DYNC1I1: variants seen among roughly 807,000 people sequenced by gnomAD.
The protein encoded by DYNC1I1 is cytoplasmic dynein 1 intermediate chain 1.
In DYNC1I1, 43 loss-of-function variants were observed where a neutral mutation model predicts 86.6. The ratio of observed to expected loss-of-function variants is 0.50; its 90% confidence interval spans 0.39 to 0.64. The LOEUF is 0.64. DYNC1I1 is among the 30% of genes least tolerant of loss of function. The pLI, the probability that DYNC1I1 is intolerant of heterozygous loss-of-function variation, is 0.00. For missense variants in DYNC1I1, 604 were observed against 788.8 expected, an observed-to-expected ratio of 0.77 and a Z score of 2.81; for synonymous variants, 262 against 283.7, an observed-to-expected ratio of 0.92 and a Z score of 0.77.
chr7:96,034,671 G>C (rs780932948), intron 12 of DYNC1I1, among the ~76,000 whole-genome samples: 19 of 152,174 alleles, frequency 1.2e-4, no homozygotes, highest in Non-Finnish European at 2.2e-4. Flanking sequence ...CCCAGTTGCT[G>C]ATGTGCACCC....
rs910125506 is a variant in DYNC1I1 at position 95,772,626 on chromosome 7, G to A, written c.-157G>A. On this transcript the variant is annotated 5_prime_UTR_variant, in exon 1 of 17. Coordinates refer to ENST00000447467, the MANE Select transcript of DYNC1I1 (RefSeq NM_001135556.2). ...GAAGTGATCGCTCCCGGAGGAGCGC[G>A]AGCCGAGCGGCCGGCGCAGCGTGAG... is the stretch of plus-strand genomic sequence containing the variant. The A allele has an allele frequency of 1.3e-5, 2 of 152,158 alleles. No homozygotes were observed. Among genetic ancestry groups the A allele is most frequent in the African/African-American group, 2.4e-5 (1 of 41,428 alleles). The allele number at this position is 152,158 out of a possible 1,614,324, so 9.4% of individuals were successfully genotyped here.
intron 6 of DYNC1I1, among the ~76,000 whole-genome samples, chr7:95,922,274 TGGAAA>T (rs1303471259): frequency 6.6e-6 from 1 of 152,174 alleles, no homozygotes; most frequent in African/African-American, 2.4e-5. Flanking sequence ...GCGGTATATT[TGGAAA>T]CATATTTCAA....
chr7:96,031,830 G>A (rs1022070351), intron 11 of DYNC1I1, among the ~76,000 whole-genome samples: 1 of 152,132 alleles, frequency 6.6e-6, no homozygotes, highest in South Asian at 2.1e-4. Flanking sequence ...CCAAATTGCT[G>A]TAGGTTCTGC....
chr7:95,828,238 G>A (rs1303167225), intron 5 of DYNC1I1, 122 bp downstream of exon 5: 17 of 1,038,562 alleles, frequency 1.6e-5, no homozygotes, highest in Admixed American at 9.1e-5. Context: ...TGATAAGTTC[G>A]TTTCCTTCTG....
intron 16 of DYNC1I1, among the ~76,000 whole-genome samples, chr7:96,089,623 TG>T (rs1287550276): frequency 1.3e-5 from 2 of 152,142 alleles, no homozygotes; most frequent in African/African-American, 4.8e-5. Flanking sequence ...TGGCCACTAG[TG>T]TAATAAAAGC....
Position 96,008,083 on chromosome 7 carries a change from T to G in DYNC1I1, c.969+12010T>G, listed in dbSNP as rs531892339. Among the ~76,000 whole-genome samples, 6 of 152,298 alleles carry G rather than the reference T, an allele frequency of 3.9e-5. No homozygotes were observed. The South Asian group carries it at 1.2e-3, about 32-fold the overall frequency. Reference sequence around the variant, plus strand: ...CGAGGGTGGGATCACAGGCAGCAGGTATGCCATGAACAACAAACCCATATT... The same window carrying G: ...CGAGGGTGGGATCACAGGCAGCAGGGATGCCATGAACAACAAACCCATATT... On this transcript the variant is annotated intron_variant, in intron 10 of 16. Transcript: ENST00000447467.
chr7:95,782,101 C>T (rs999349881), intron 1 of DYNC1I1, among the ~76,000 whole-genome samples: 85 of 152,286 alleles, frequency 5.6e-4, no homozygotes, highest in African/African-American at 1.9e-3. Flanking sequence ...TTGATATATA[C>T]TTTTACAATC....
intron 14 of DYNC1I1, chr7:96,055,835 C>A (rs1284667083): frequency 6.6e-6 from 1 of 152,124 alleles, no homozygotes; most frequent in Non-Finnish European, 1.5e-5. Flanking sequence ...TGGAAATGCA[C>A]CAGCTTTGTG....
chr7:96,030,437 C>G (rs2115978194), intron 11 of DYNC1I1, among the ~76,000 whole-genome samples: 1 of 149,922 alleles, frequency 6.7e-6, no homozygotes, highest in Admixed American at 6.7e-5. Flanking sequence ...TTCTCTTAAA[C>G]TGAGTTTTAT....
chr7:95,834,937 A>G (rs1789033325), intron 5 of DYNC1I1, among the ~76,000 whole-genome samples: 3 of 150,918 alleles, frequency 2.0e-5, no homozygotes, highest in Admixed American at 6.6e-5. Context: ...TGGATTCATT[A>G]ATTTTTTGAA....
At chr7:96,039,469 G>A (rs373230456) in intron 14 of DYNC1I1, 48 bp downstream of exon 14, 1 of 1,610,626 alleles carries the variant, frequency 6.2e-7, no homozygotes. Context: ...AAGGGCAGAG[G>A]ATGGTTTTTC....
intron 6 of DYNC1I1, among the ~76,000 whole-genome samples, chr7:95,914,766 C>T (rs1562942250): frequency 1.3e-5 from 2 of 152,304 alleles, no homozygotes; most frequent in Admixed American, 1.3e-4. Flanking sequence ...AAATTCATTA[C>T]AGAGGTCTAG....
intron 6 of DYNC1I1, among the ~76,000 whole-genome samples, chr7:95,879,649 A>G (rs980746440): frequency 1.3e-5 from 2 of 152,206 alleles, no homozygotes; most frequent in African/African-American, 2.4e-5. Flanking sequence ...GCCTCCATAC[A>G]TTTTAGACAG....
intron 9 of DYNC1I1, among the ~76,000 whole-genome samples, chr7:95,989,916 T>G (rs1446672152): frequency 6.6e-6 from 1 of 152,174 alleles, no homozygotes; most frequent in Non-Finnish European, 1.5e-5. Flanking sequence ...AGAGACTTTT[T>G]GATGGATTTA....
At chr7:96,037,007 A>C (rs1794942002) in intron 13 of DYNC1I1, among the ~76,000 whole-genome samples, 2 of 152,204 alleles carry the variant, frequency 1.3e-5, no homozygotes, top group Non-Finnish European at 2.9e-5. Flanking sequence ...GAGGCTATTA[A>C]GATTTAATGA....
At chr7:95,798,798 G>T (rs1245013219) in intron 1 of DYNC1I1, among the ~76,000 whole-genome samples, 2 of 152,150 alleles carry the variant, frequency 1.3e-5, no homozygotes, top group Non-Finnish European at 2.9e-5. Flanking sequence ...TAAACCCTTT[G>T]CATCTCCTCT....
At chr7:95,958,416 C>T (rs1792775450) in intron 6 of DYNC1I1, among the ~76,000 whole-genome samples, 1 of 152,092 alleles carries the variant, frequency 6.6e-6, no homozygotes, top group Admixed American at 6.5e-5. Flanking sequence ...CACAGTGAGA[C>T]TCTGTCTCTA....
intron 6 of DYNC1I1, among the ~76,000 whole-genome samples, chr7:95,940,278 G>A (rs1289239053): frequency 1.3e-5 from 2 of 151,180 alleles, no homozygotes; most frequent in Admixed American, 6.6e-5. Context: ...TATGTGTCTT[G>A]GAGTTGCTCT....
In DYNC1I1 at chr7:96,032,736, G is replaced by A. The variant is rs754740631; in HGVS notation, c.1186G>A (p.Gly396Ser). 6.2e-7 allele frequency: 1 copy of A among 1,613,694 alleles called. No homozygotes were observed. The change falls in exon 12 of 17, where the codon GGC becomes AGC. Residue 396 changes from glycine to serine, a missense_variant. Physicochemically the swap from Gly to Ser is moderately conservative, Grantham distance 56. Transcript: ENST00000447467. ...AHNLITVSTD[G>S]KMCSWSLDML... ...TAACCTCATCACTGTCTCCACTGATGGCAAAATGTGTTCCTGGAGCCTGGA... is the reference window on the plus strand; with the variant it reads ...TAACCTCATCACTGTCTCCACTGATAGCAAAATGTGTTCCTGGAGCCTGGA...
Sources: gnomAD v4.1 joint callset for allele counts (sites outside exome capture counted in the v4.1 genomes callset) on GRCh38, gnomAD v4.1.1 for gene constraint, MANE v1.5 for transcripts, NCBI Gene and HGNC (gene_info 2026-07-23, HGNC 2026-07-21) for gene names.